Variants in C14orf39 observed in about 807,000 individuals in gnomAD.
C14orf39 encodes the protein protein SIX6OS1.
A neutral mutation model predicts 85.6 loss-of-function variants in C14orf39; 66 were observed. That is an observed-to-expected ratio of 0.77 (90% CI 0.63 to 0.95). C14orf39 has a LOEUF of 0.95. Ranked by LOEUF, C14orf39 falls within the 40% of genes least tolerant of loss-of-function variation. C14orf39 has a pLI of 0.00. For missense variants in C14orf39, 735 were observed against 663.9 expected, an observed-to-expected ratio of 1.11 and a Z score of -1.18; for synonymous variants, 242 against 214.0, an observed-to-expected ratio of 1.13 and a Z score of -1.14.
intron 5 of C14orf39, among the ~76,000 whole-genome samples, 194 bp downstream of exon 5, chr14:60,478,106 G>A (rs1279205588): frequency 2.7e-5 from 4 of 145,574 alleles, no homozygotes; most frequent in Non-Finnish European, 4.5e-5. Context: ...GTGAACCCGG[G>A]AGGCAGAGCT....
At position 60,455,059 on chromosome 14, in the gene C14orf39, G is replaced by A; in HGVS notation, c.1445C>T (p.Ser482Leu). 1.9e-6 allele frequency: 3 copies of A among 1,580,376 alleles called. No homozygotes were observed. The highest frequency in any genetic ancestry group is 2.6e-6 in the Non-Finnish European group (3 of 1,166,812). The change falls in exon 16 of 18, where the codon TCA (serine) becomes TTA (leucine). Residue 482 changes from serine (S) to leucine (L), a missense_variant. Coordinates refer to ENST00000321731, the MANE Select transcript of C14orf39 (RefSeq NM_174978.3). Reference protein sequence around the residue: ...LSFLMSYTSRSPGLNLFDSSV... With the variant: ...LSFLMSYTSRLPGLNLFDSSV... Reference sequence around the variant, plus strand: ...AGAATCAAATAAATTCAATCCAGGTGATCTAGAAGTATAACTCATAAGAAA... The same window carrying A: ...AGAATCAAATAAATTCAATCCAGGTAATCTAGAAGTATAACTCATAAGAAA...
At chr14:60,451,451 A>G (rs182401656) in intron 16 of C14orf39, among the ~76,000 whole-genome samples, 56 of 152,336 alleles carry the variant, frequency 3.7e-4, no homozygotes, top group African/African-American at 1.1e-3. Flanking sequence ...AATTCCATCA[A>G]TTATAGACTG....
chr14:60,509,061 T>C (rs367684563), intron 1 of C14orf39: 25 of 389,332 alleles, frequency 6.4e-5, no homozygotes, highest in South Asian at 2.3e-4. Flanking sequence ...AGTCCTGGCG[T>C]GCTGATTCAA....
At chr14:60,504,413 C>A (rs1893180411) in intron 1 of C14orf39, among the ~76,000 whole-genome samples, 1 of 152,184 alleles carries the variant, frequency 6.6e-6, no homozygotes, top group Admixed American at 6.5e-5. Flanking sequence ...GGACATTAAA[C>A]AAACTTACAT....
At chr14:60,509,974 G>A (rs1270534141) in intron 1 of C14orf39, 2 of 1,593,356 alleles carry the variant, frequency 1.3e-6, no homozygotes, top group South Asian at 1.1e-5. Context: ...AGAACAGGTC[G>A]GTACCTAGAG....
chr14:60,455,386 A>C lies in C14orf39; in HGVS notation c.1359-241T>G, dbSNP rs146470455. On this transcript the variant is annotated intron_variant, in intron 15 of 17. Coordinates refer to ENST00000321731, the MANE Select transcript of C14orf39 (RefSeq NM_174978.3). ...AGAACCCTATGAAATAGGTACTATT[A>C]CTATCATTTCCATTTTACAGTAGGG... Among the ~76,000 whole-genome samples, 29 of 152,194 alleles carry C rather than the reference A, an allele frequency of 1.9e-4. No homozygotes were observed. The East Asian group carries it at 5.2e-3, about 27-fold the overall frequency.
chr14:60,467,727 G>A (rs190930386), intron 9 of C14orf39, among the ~76,000 whole-genome samples: 148 of 151,512 alleles, frequency 9.8e-4, no homozygotes, highest in South Asian at 2.5e-3. Context: ...GAGGAATCAA[G>A]AAAATAACAC....
At chr14:60,461,297 A>C (rs1891512697) in intron 13 of C14orf39, 57 bp downstream of exon 13, 1 of 1,436,492 alleles carries the variant, frequency 7.0e-7, no homozygotes, top group African/African-American at 1.4e-5. Context: ...CTAATGTAAA[A>C]ACCTGATATA....
chr14:60,470,180 A>T (rs1892010840), intron 7 of C14orf39, among the ~76,000 whole-genome samples: 1 of 151,794 alleles, frequency 6.6e-6, no homozygotes, highest in Admixed American at 6.6e-5. Flanking sequence ...AGACAGGCAG[A>T]TCTTCGACTT....
intron 1 of C14orf39, chr14:60,509,961 C>G: frequency 6.2e-7 from 1 of 1,603,056 alleles, no homozygotes; most frequent in Non-Finnish European, 8.5e-7. Flanking sequence ...GCGGCTGCAG[C>G]CAAGAACAGG....
At chr14:60,502,638 T>C (rs931509586) in intron 1 of C14orf39, among the ~76,000 whole-genome samples, 11 of 152,102 alleles carry the variant, frequency 7.2e-5, no homozygotes, top group Admixed American at 4.6e-4. Flanking sequence ...AGAACAAAAA[T>C]CTGCTGTTAA....
intron 16 of C14orf39, among the ~76,000 whole-genome samples, chr14:60,447,585 A>G (rs1201965138): frequency 5.9e-5 from 9 of 152,114 alleles, no homozygotes; most frequent in Non-Finnish European, 1.0e-4. Flanking sequence ...TCATGGATAG[A>G]AAGACTCAAT....
In C14orf39 at chr14:60,499,016, C is replaced by T. The variant is rs377433518; in HGVS notation, c.-9+280G>A. 2.6e-4 allele frequency among the ~76,000 whole-genome samples: 39 copies of T among 152,160 alleles called. No homozygotes were observed. In the East Asian group the frequency reaches 3.9e-3, roughly 15 times the overall value. On this transcript the variant is annotated intron_variant, in intron 2 of 5. Coordinates refer to the C14orf39 transcript ENST00000556799. ...GCTCACACCTGCAGTCCTAGCACTT[C>T]GGGAGGCCAAGGTAGGCGGATCACC...
intron 1 of C14orf39, chr14:60,511,384 C>T (rs1263988076): frequency 2.6e-6 from 3 of 1,152,072 alleles, no homozygotes; most frequent in Non-Finnish European, 3.8e-6. Context: ...CCCGCGGGCT[C>T]GGGTTGCCGT....
intron 8 of C14orf39, 67 bp downstream of exon 8, chr14:60,469,464 CTG>C: frequency 1.6e-6 from 1 of 608,534 alleles, no homozygotes; most frequent in Non-Finnish European, 2.4e-6. Context: ...TCTTCTAAAA[CTG>C]TCAACTAACA....
chr14:60,483,246 G>T (rs962886919), intron 4 of C14orf39, among the ~76,000 whole-genome samples: 2 of 152,178 alleles, frequency 1.3e-5, no homozygotes, highest in Admixed American at 6.5e-5. Context: ...ATAAGTCTTT[G>T]TTGTTTTTAT....
intron 16 of C14orf39, among the ~76,000 whole-genome samples, chr14:60,453,677 C>T (rs112770513): frequency 1.6e-4 from 24 of 151,356 alleles, no homozygotes; most frequent in African/African-American, 5.1e-4. Context: ...TTTAATTTAT[C>T]ATCAATCTTA....
At chr14:60,511,158 T>A (rs1300656876) in intron 1 of C14orf39, 1 of 1,612,634 alleles carries the variant, frequency 6.2e-7, no homozygotes. Context: ...CCAGAGGTGC[T>A]GGGCGTCGCC....
At chr14:60,509,183 C>G (rs1214357590) in intron 1 of C14orf39, 1 of 586,040 alleles carries the variant, frequency 1.7e-6, no homozygotes, top group African/African-American at 1.9e-5. Context: ...GTGCCTGAGC[C>G]GAGCCGAGCC....
Sources: allele counts gnomAD v4.1 joint callset (sites outside exome capture counted in the v4.1 genomes callset), GRCh38; gene constraint gnomAD v4.1.1; transcripts MANE v1.5; gene names NCBI Gene and HGNC (gene_info 2026-07-23, HGNC 2026-07-21).